Variants in CADPS observed in about 807,000 individuals in gnomAD.
CADPS encodes the protein calcium-dependent secretion activator 1.
A neutral mutation model predicts 167.3 loss-of-function variants in CADPS; 57 were observed. The observed-to-expected ratio is 0.34, with a 90% CI of 0.28 to 0.42. CADPS has a LOEUF of 0.42. Among genes scored for constraint, CADPS ranks in the 20% least tolerant of loss-of-function variants. The probability of loss-of-function intolerance (pLI) is 1.00; values close to 1 mark genes in which losing one functional copy is unlikely to be tolerated. For synonymous variants in CADPS, 676 were observed against 635.3 expected, an observed-to-expected ratio of 1.06 and a Z score of -0.96; for missense variants, 1,414 against 1,738.1, an observed-to-expected ratio of 0.81 and a Z score of 3.32.
intron 6 of CADPS, among the ~76,000 whole-genome samples, chr3:62,613,168 A>G (rs2061733233): frequency 6.6e-6 from 1 of 152,130 alleles, no homozygotes; most frequent in South Asian, 2.1e-4. Context: ...TAGTGTACTA[A>G]AGGGATAACA....
At chr3:62,664,723 G>A (rs1026168352) in intron 3 of CADPS, among the ~76,000 whole-genome samples, 6 of 152,264 alleles carry the variant, frequency 3.9e-5, no homozygotes, top group South Asian at 2.1e-4. Context: ...GAATTTCGTC[G>A]GAAGATATGG....
intron 3 of CADPS, among the ~76,000 whole-genome samples, chr3:62,702,374 G>T (rs1411542303): frequency 6.6e-6 from 1 of 152,124 alleles, no homozygotes; most frequent in East Asian, 1.9e-4. Flanking sequence ...GGCTTAAGCT[G>T]CCAGTTCCAA....
intron 3 of CADPS, among the ~76,000 whole-genome samples, chr3:62,691,128 AT>A (rs2079026473): frequency 6.6e-6 from 1 of 152,012 alleles, no homozygotes; most frequent in Admixed American, 6.6e-5. Context: ...AAGTGCACCT[AT>A]GGAGACTGAA....
rs1209799795 is a variant in CADPS, at chr3:62,492,362, C to G, written c.2812G>C (p.Glu938Gln). ...TCCCATGTGTCTGGAGGTTGCACCT[C>G]TAAGGCTGCATCCATGTCTACTGCA... Reference protein sequence around the residue: ...LFAVDMDAALEVQPPDTWDSF... With the variant: ...LFAVDMDAALQVQPPDTWDSF... The change falls in exon 20 of 30, where the codon GAG (glutamate) becomes CAG (glutamine). Residue 938 changes from glutamate to glutamine, a missense_variant. Physicochemically the swap from Glu to Gln is conservative, Grantham distance 29. This residue lies in a region of CADPS where 529 missense variants were observed against 629.6 expected (regional missense o/e 0.84). Coordinates refer to ENST00000383710, the MANE Select transcript of CADPS (RefSeq NM_003716.4). 1.2e-6 allele frequency: 2 copies of G among 1,613,896 alleles called. No homozygotes were observed.
chr3:62,771,383 T>G (rs1293155453), intron 1 of CADPS, among the ~76,000 whole-genome samples: 2 of 152,290 alleles, frequency 1.3e-5, no homozygotes, highest in East Asian at 3.9e-4. Flanking sequence ...GCCAACTGCA[T>G]GAGTGAATGA....
chr3:62,872,607 A>C (rs528666076), intron 1 of CADPS, among the ~76,000 whole-genome samples: 1 of 152,148 alleles, frequency 6.6e-6, no homozygotes, highest in South Asian at 2.1e-4. Context: ...ATGCCCCTCA[A>C]AACCACAGCT....
intron 3 of CADPS, among the ~76,000 whole-genome samples, chr3:62,733,206 C>T (rs189784644): frequency 1.3e-5 from 2 of 152,328 alleles, no homozygotes; most frequent in East Asian, 3.9e-4. Context: ...CATCTCTACA[C>T]AGGCAAATAT....
Position 62,420,100 on chromosome 3 carries a change from GA to G in CADPS, c.3778-16916del, listed in dbSNP as rs533526585. 1.0e-3 allele frequency among the ~76,000 whole-genome samples: 156 copies of G among 152,086 alleles called. 1 individual carries two copies. The highest frequency in any genetic ancestry group is 3.6e-3 in the African/African-American group (148 of 41,508). On this transcript the variant is annotated intron_variant, in intron 28 of 29. Coordinates refer to ENST00000383710, the MANE Select transcript of CADPS (RefSeq NM_003716.4). The surrounding 1 kb of genome is among the most constrained non-coding windows in gnomAD (Gnocchi z 4.1). Reference sequence around the variant, plus strand: ...TACATAATTTCCAGGCTATTACATGGAAAAAAATTCAGGTGAATAGGTAAAT... The same window carrying G: ...TACATAATTTCCAGGCTATTACATGGAAAAAATTCAGGTGAATAGGTAAAT...
intron 17 of CADPS, among the ~76,000 whole-genome samples, chr3:62,503,738 A>C (rs1190259596): frequency 6.6e-6 from 1 of 152,238 alleles, no homozygotes; most frequent in Non-Finnish European, 1.5e-5. Flanking sequence ...TCCAAATGTT[A>C]GAATACTGTA....
rs1009747102 is a variant in CADPS at position 62,478,527 on chromosome 3, A to G, written c.3174-111T>C. On this transcript the variant is annotated intron_variant, in intron 22 of 29. Coordinates refer to ENST00000383710, the MANE Select transcript of CADPS (RefSeq NM_003716.4). The surrounding 1 kb of genome is among the most constrained non-coding windows in gnomAD (Gnocchi z 5.7). ...AGGCAAACAGCAGCTTCAACATACA[A>G]AACAACGTGTGTTGGCGGTGGAGGC... 1.0e-6 allele frequency: 1 copy of G among 987,802 alleles called. No homozygotes were observed. Among genetic ancestry groups the G allele is most frequent in the African/African-American group, 1.6e-5 (1 of 61,108 alleles). The allele number at this position is 987,802 out of a possible 1,614,324, so 61.2% of individuals were successfully genotyped here.
intron 23 of CADPS, among the ~76,000 whole-genome samples, chr3:62,476,977 AAG>A (rs1484284180): frequency 1.1e-4 from 16 of 152,140 alleles, no homozygotes; most frequent in African/African-American, 3.9e-4. Context: ...CTTCAGTTCT[AAG>A]AGAGAGAATA....
chr3:62,708,181 C>T (rs904990551), intron 3 of CADPS, among the ~76,000 whole-genome samples: 1 of 151,828 alleles, frequency 6.6e-6, no homozygotes, highest in Non-Finnish European at 1.5e-5. Context: ...GCCTCAGCCT[C>T]TCAAAGTGCT....
chr3:62,492,558 G>A, intron 19 of CADPS, 112 bp from the exon 20 acceptor site: 4 of 1,045,888 alleles, frequency 3.8e-6, no homozygotes, highest in South Asian at 3.0e-5. Context: ...ATCCAGCAGG[G>A]TTTGGTAATT....
intron 6 of CADPS, among the ~76,000 whole-genome samples, chr3:62,624,951 G>T (rs779821907): frequency 1.3e-4 from 19 of 143,838 alleles, no homozygotes; most frequent in African/African-American, 1.8e-4. Context: ...GCCTCATTCT[G>T]AAATTTGAAA....
At chr3:62,837,064 T>C (rs2076003617) in intron 1 of CADPS, among the ~76,000 whole-genome samples, 1 of 152,184 alleles carries the variant, frequency 6.6e-6, no homozygotes, top group Non-Finnish European at 1.5e-5. Flanking sequence ...ACATTAAAGC[T>C]CCTCTTGCAG....
chr3:62,558,801 G>A (rs2078647086), intron 9 of CADPS, among the ~76,000 whole-genome samples: 1 of 152,224 alleles, frequency 6.6e-6, no homozygotes, highest in Non-Finnish European at 1.5e-5. Context: ...TCTTTATAAT[G>A]TATAGGGTTT....
At chr3:62,744,567 C>T (rs2081042538) in intron 3 of CADPS, among the ~76,000 whole-genome samples, 1 of 152,146 alleles carries the variant, frequency 6.6e-6, no homozygotes, top group African/African-American at 2.4e-5. Flanking sequence ...TCTCTATTTG[C>T]AAGGCTGTGC....
At chr3:62,798,825 G>T (rs530748487) in intron 1 of CADPS, among the ~76,000 whole-genome samples, 1 of 152,184 alleles carries the variant, frequency 6.6e-6, no homozygotes, top group East Asian at 1.9e-4. Context: ...ACCAGATTAT[G>T]AACAAGGATC....
At chr3:62,781,686 G>GGA (rs1342255174) in intron 1 of CADPS, among the ~76,000 whole-genome samples, 2 of 152,008 alleles carry the variant, frequency 1.3e-5, no homozygotes, top group East Asian at 1.9e-4. Flanking sequence ...TGTGTGTGGG[G>GGA]GCACATGGCA....
Sources: allele counts gnomAD v4.1 joint callset (sites outside exome capture counted in the v4.1 genomes callset), GRCh38; gene constraint gnomAD v4.1.1; regional missense constraint gnomAD v4.1.1; non-coding constraint Gnocchi (gnomAD v3.1); transcripts MANE v1.5; gene names NCBI Gene and HGNC (gene_info 2026-07-23, HGNC 2026-07-21).